The following CHRNB3 variants were observed in gnomAD, a reference collection of about 807,000 sequenced individuals.
CHRNB3 encodes neuronal acetylcholine receptor subunit beta-3.
A neutral mutation model predicts 40.6 loss-of-function variants in CHRNB3; 37 were observed. The observed-to-expected ratio is 0.91, with a 90% CI of 0.70 to 1.20. CHRNB3 has a LOEUF of 1.20. Among genes scored for constraint, CHRNB3 ranks in the 50% most tolerant of loss-of-function variants. The probability of loss-of-function intolerance (pLI) is 0.00; values close to 1 mark genes in which losing one functional copy is unlikely to be tolerated. For missense variants in CHRNB3, 505 were observed against 551.2 expected (o/e 0.92, Z 0.84); for synonymous variants, 207 against 207.1 (o/e 1.00, Z 0.00).
chr8:42,717,339 A>G (rs1465946145), intron 3 of CHRNB3, among the ~76,000 whole-genome samples: 2 of 114,902 alleles, frequency 1.7e-5, no homozygotes, highest in South Asian at 3.6e-4. Context: ...CCGCCACTGC[A>G]CTCCAGCCTG....
intron 3 of CHRNB3, chr8:42,726,229 C>A (rs1480680910): frequency 3.8e-6 from 3 of 792,978 alleles, no homozygotes; most frequent in Non-Finnish European, 6.4e-6. Context: ...GCTCTGCCAT[C>A]TTTCTAGTGT....
rs1479738306 is a variant in CHRNB3, at chr8:42,708,724, A to G, written c.60A>G (p.Thr20=). The G allele has an allele frequency of 6.2e-7, 1 of 1,613,796 alleles. No homozygotes were observed. The highest frequency in any genetic ancestry group is 1.3e-5 in the African/African-American group (1 of 75,036). ...IVLGIPSSAT[T]GFNSIAENED... Reference sequence around the variant, plus strand: ...CCCATGATTCTTTTACAGCCACCACAGGTTTCAACTCAATCGCCGAAAATG... The same window carrying G: ...CCCATGATTCTTTTACAGCCACCACGGGTTTCAACTCAATCGCCGAAAATG... The change falls in exon 2 of 6, where the codon ACA becomes ACG. Residue 20 remains threonine, a synonymous_variant. Coordinates refer to ENST00000289957, the MANE Select transcript of CHRNB3 (RefSeq NM_000749.5).
intron 5 of CHRNB3, among the ~76,000 whole-genome samples, chr8:42,732,863 G>A (rs191503286): frequency 6.6e-6 from 1 of 152,182 alleles, no homozygotes; most frequent in Non-Finnish European, 1.5e-5. Flanking sequence ...GGTTAGCCTG[G>A]TTTCTGGTAA....
intron 5 of CHRNB3, among the ~76,000 whole-genome samples, chr8:42,734,898 T>G (rs1025270374): frequency 6.6e-6 from 1 of 152,082 alleles, no homozygotes; most frequent in Non-Finnish European, 1.5e-5. Flanking sequence ...GGGAGAATTT[T>G]TTTGTTTGTT....
chr8:42,731,624 A>C (rs765606157), intron 4 of CHRNB3, 43 bp from the exon 5 acceptor site: 3 of 1,530,754 alleles, frequency 2.0e-6, no homozygotes, highest in Non-Finnish European at 2.6e-6. Flanking sequence ...AAAAACTAGC[A>C]GGTGCTCCAC....
At chr8:42,708,617 G>A in intron 1 of CHRNB3, 100 bp from the exon 2 acceptor site, 1 of 1,334,170 alleles carries the variant, frequency 7.5e-7, no homozygotes, top group Non-Finnish European at 1.0e-6. Flanking sequence ...AACAGACACA[G>A]CCTATGGTGC....
rs554773919 is a variant in CHRNB3, at chr8:42,727,718, C to T, written c.250-2876C>T. On this transcript the variant is annotated intron_variant, in intron 3 of 5. Coordinates refer to ENST00000289957, the MANE Select transcript of CHRNB3 (RefSeq NM_000749.5). ...TCTCTACTAAAAATACAAAAATCAG[C>T]TGGGCATGGTGGTGTGCACCTGTAG... Among the ~76,000 whole-genome samples, 234 of 152,158 alleles carry T rather than the reference C, an allele frequency of 1.5e-3. 1 individual carries two copies. The highest frequency in any genetic ancestry group is 2.9e-3 in the Non-Finnish European group (197 of 68,024).
At chr8:42,698,190 A>C (rs1166560945) in intron 1 of CHRNB3, among the ~76,000 whole-genome samples, 1 of 152,242 alleles carries the variant, frequency 6.6e-6, no homozygotes, top group Admixed American at 6.5e-5. Context: ...AAAAGGAAAA[A>C]GTGAAAGATA....
At chr8:42,718,487 C>G (rs2128906931) in intron 3 of CHRNB3, among the ~76,000 whole-genome samples, 1 of 151,712 alleles carries the variant, frequency 6.6e-6, no homozygotes, top group African/African-American at 2.4e-5. Flanking sequence ...TCCTAGCTAA[C>G]ACAGTGAAAC....
chr8:42,712,194 T>C (rs556567680), intron 3 of CHRNB3, among the ~76,000 whole-genome samples: 4 of 152,248 alleles, frequency 2.6e-5, no homozygotes, highest in South Asian at 4.1e-4. Context: ...GGTTTCACCA[T>C]GTTGGCCAAA....
At chr8:42,700,279 T>C (rs1815766248) in intron 1 of CHRNB3, among the ~76,000 whole-genome samples, 1 of 151,830 alleles carries the variant, frequency 6.6e-6, no homozygotes, top group Non-Finnish European at 1.5e-5. Flanking sequence ...CCTCCCAAAG[T>C]GCTGGGATTA....
chr8:42,716,726 G>A (rs1816115153), intron 3 of CHRNB3, among the ~76,000 whole-genome samples: 1 of 151,950 alleles, frequency 6.6e-6, no homozygotes, highest in South Asian at 2.1e-4. Context: ...ATGGAAAGCC[G>A]CCTCTGCCCG....
At chr8:42,726,244 GCTA>G in intron 3 of CHRNB3, 1 of 729,378 alleles carries the variant, frequency 1.4e-6, no homozygotes, top group Non-Finnish European at 2.4e-6. Flanking sequence ...TAGTGTTGCA[GCTA>G]CTACTACTCA....
rs1458697311 is a variant in CHRNB3, at chr8:42,737,318, A to G, written c.*700A>G. ...ACTTCCTTTAAGGTCATGCATACCA[A>G]AATAACTCACAATAGAAACAAAGCC... On this transcript the variant is annotated 3_prime_UTR_variant, in exon 6 of 6. Coordinates refer to ENST00000289957, the MANE Select transcript of CHRNB3 (RefSeq NM_000749.5). The G allele has an allele frequency of 6.6e-6, 1 of 152,232 alleles. No individual in the cohort carries two copies. Among genetic ancestry groups the G allele is most frequent in the Non-Finnish European group, 1.5e-5 (1 of 68,076 alleles). 9.4% of individuals were successfully genotyped at this position (152,232 alleles called of 1,614,324 possible). A position where few individuals can be genotyped will look rare whatever the true frequency, so the allele number is the denominator to read the frequency against.
intron 2 of CHRNB3, among the ~76,000 whole-genome samples, chr8:42,709,833 T>C (rs1197427810): frequency 1.3e-5 from 2 of 152,184 alleles, no homozygotes; most frequent in African/African-American, 4.8e-5. Context: ...GGTTTCGCCA[T>C]GTTGGACAGG....
chr8:42,713,029 T>C (rs1263717829), intron 3 of CHRNB3, among the ~76,000 whole-genome samples: 2 of 151,826 alleles, frequency 1.3e-5, no homozygotes, highest in East Asian at 3.9e-4. Context: ...ACCTGGCTAA[T>C]TTTTGTATTT....
chr8:42,720,845 G>A (rs1255223783), intron 3 of CHRNB3, among the ~76,000 whole-genome samples: 1 of 152,210 alleles, frequency 6.6e-6, no homozygotes, highest in African/African-American at 2.4e-5. Context: ...TTTGCAATTT[G>A]CAACAAGACA....
chr8:42,733,966 T>G (rs986397749), intron 5 of CHRNB3, among the ~76,000 whole-genome samples: 2 of 150,130 alleles, frequency 1.3e-5, no homozygotes, highest in Non-Finnish European at 3.0e-5. Context: ...GCGTAAAAAG[T>G]GATCTGTTGG....
chr8:42,711,090 A>G (rs1196451852), intron 3 of CHRNB3, among the ~76,000 whole-genome samples: 2 of 152,232 alleles, frequency 1.3e-5, no homozygotes, highest in African/African-American at 4.8e-5. Context: ...AGTTTGTTCT[A>G]GGATTGTCAG....
Sources: allele counts gnomAD v4.1 joint callset (sites outside exome capture counted in the v4.1 genomes callset), GRCh38; gene constraint gnomAD v4.1.1; transcripts MANE v1.5; gene names NCBI Gene and HGNC (gene_info 2026-07-23, HGNC 2026-07-21).